Variants in FANCC observed in about 807,000 individuals in gnomAD.
The protein encoded by FANCC is FA complementation group C.
In FANCC, 55 loss-of-function variants were observed where a neutral mutation model predicts 71.3. That is an observed-to-expected ratio of 0.77 (90% CI 0.62 to 0.97). The LOEUF is 0.97. Ranked by LOEUF, FANCC falls within the 50% of genes least tolerant of loss-of-function variation. The probability of loss-of-function intolerance (pLI) is 0.00; values close to 1 mark genes in which losing one functional copy is unlikely to be tolerated. For synonymous variants in FANCC, 275 were observed against 244.9 expected, an observed-to-expected ratio of 1.12 and a Z score of -1.15; for missense variants, 678 against 670.9, an observed-to-expected ratio of 1.01 and a Z score of -0.12.
chr9:95,251,136 C>A (rs984766739), intron 1 of FANCC, among the ~76,000 whole-genome samples: 1 of 152,156 alleles, frequency 6.6e-6, no homozygotes, highest in East Asian at 1.9e-4. Flanking sequence ...CACTTAGTTA[C>A]CGCTTCCTCT....
chr9:95,245,401 T>C (rs1395920728), intron 3 of FANCC, among the ~76,000 whole-genome samples: 1 of 152,034 alleles, frequency 6.6e-6, no homozygotes, highest in African/African-American at 2.4e-5. Flanking sequence ...TCAGGGGATG[T>C]CTGAAACTGA....
At chr9:95,311,793 G>C (rs1307405078) in intron 1 of FANCC, among the ~76,000 whole-genome samples, 2 of 151,768 alleles carry the variant, frequency 1.3e-5, no homozygotes, top group Non-Finnish European at 2.9e-5. Flanking sequence ...CAGAGTAACA[G>C]ATCTCAGATT....
chr9:95,181,846 TGCGA>T (rs1564730004), intron 4 of FANCC, among the ~76,000 whole-genome samples: 1 of 152,236 alleles, frequency 6.6e-6, no homozygotes, highest in African/African-American at 2.4e-5. Flanking sequence ...GCTTAGATCA[TGCGA>T]GTGAACTTTC....
intron 13 of FANCC, chr9:95,110,972 A>G: frequency 1.4e-6 from 2 of 1,408,886 alleles, no homozygotes; most frequent in East Asian, 2.6e-5. Flanking sequence ...TTACTTTAGT[A>G]AGAGATGTAA....
rs374176091 is a variant in FANCC, at chr9:95,149,936, C to T, written c.673G>A (p.Glu225Lys). The T allele has an allele frequency of 2.5e-6, 4 of 1,604,746 alleles. No homozygotes were observed. The highest frequency in any genetic ancestry group is 3.4e-6 in the Non-Finnish European group (4 of 1,175,702). ...TTTGCCACTTACAGCAAAATGGCCT[C>T]GTTTACAGCCTCAAAGAACTCTGGC... ...LQPEFFEAVN[E>K]AILLKKISLP... Residue 225 changes from glutamate (E) to lysine (K), a missense_variant, in exon 7 of 15, where the codon GAG (glutamate) becomes AAG (lysine). Coordinates refer to ENST00000289081, the MANE Select transcript of FANCC (RefSeq NM_000136.3).
At chr9:95,189,071 T>G (rs1225841814) in intron 4 of FANCC, among the ~76,000 whole-genome samples, 1 of 152,198 alleles carries the variant, frequency 6.6e-6, no homozygotes, top group Admixed American at 6.5e-5. Flanking sequence ...CGCCAATTGC[T>G]CTAACTTAAA....
intron 12 of FANCC, chr9:95,114,234 T>G (rs1334903514): frequency 6.2e-6 from 2 of 320,974 alleles, no homozygotes; most frequent in East Asian, 1.5e-4. Context: ...CCTAGAGAGG[T>G]AGAGGGAAGA....
intron 4 of FANCC, among the ~76,000 whole-genome samples, chr9:95,225,050 A>G (rs891462582): frequency 3.9e-5 from 6 of 152,198 alleles, no homozygotes; most frequent in African/African-American, 1.4e-4. Context: ...TCAAACTAAG[A>G]CAAAGTATAA....
intron 1 of FANCC, among the ~76,000 whole-genome samples, chr9:95,313,146 C>T (rs1267662054): frequency 6.6e-6 from 1 of 152,142 alleles, no homozygotes; most frequent in African/African-American, 2.4e-5. Context: ...GCGCTGGAGA[C>T]GTGCACACGC....
At chr9:95,244,629 A>C (rs1029757368) in intron 3 of FANCC, among the ~76,000 whole-genome samples, 4 of 136,850 alleles carry the variant, frequency 2.9e-5, no homozygotes, top group African/African-American at 1.1e-4. Context: ...CAGTGAGCCG[A>C]GATCACGCCA....
intron 7 of FANCC, among the ~76,000 whole-genome samples, chr9:95,143,972 T>A (rs1050029855): frequency 3.3e-5 from 5 of 152,210 alleles, no homozygotes; most frequent in African/African-American, 1.2e-4. Flanking sequence ...AATATATGAC[T>A]GCATTTGGAA....
intron 4 of FANCC, among the ~76,000 whole-genome samples, chr9:95,208,592 G>A (rs1312609987): frequency 6.6e-6 from 1 of 152,024 alleles, no homozygotes; most frequent in Non-Finnish European, 1.5e-5. Context: ...GACTGTAATG[G>A]ACACCTCGTC....
At chr9:95,206,198 A>G (rs1314085913) in intron 4 of FANCC, among the ~76,000 whole-genome samples, 1 of 152,234 alleles carries the variant, frequency 6.6e-6, no homozygotes, top group East Asian at 1.9e-4. Context: ...GGAGAAAGGA[A>G]AAGCAACCTA....
chr9:95,111,267 C>T, intron 13 of FANCC, 196 bp downstream of exon 13: 1 of 1,549,556 alleles, frequency 6.5e-7, no homozygotes, highest in Non-Finnish European at 8.7e-7. Flanking sequence ...TCTCTGGCCA[C>T]CTCGGTGGGG....
chr9:95,294,830 G>A, intron 1 of FANCC: 1 of 1,514,798 alleles, frequency 6.6e-7, no homozygotes, highest in Non-Finnish European at 8.8e-7. Flanking sequence ...TGGAGTCCAT[G>A]TGTGAGACGG....
At chr9:95,228,965 C>T (rs559073505) in intron 4 of FANCC, among the ~76,000 whole-genome samples, 1 of 152,260 alleles carries the variant, frequency 6.6e-6, no homozygotes, top group South Asian at 2.1e-4. Context: ...TTGAATAAGA[C>T]AGGAACCTAC....
intron 4 of FANCC, among the ~76,000 whole-genome samples, chr9:95,222,922 CA>C (rs1829373244): frequency 6.6e-6 from 1 of 152,072 alleles, no homozygotes; most frequent in Non-Finnish European, 1.5e-5. Flanking sequence ...AATGACCATA[CA>C]ATATTTCATC....
intron 6 of FANCC, among the ~76,000 whole-genome samples, chr9:95,151,044 G>A (rs187166697): frequency 8.5e-5 from 13 of 152,324 alleles, no homozygotes; most frequent in African/African-American, 2.9e-4. Context: ...GGCGGCTACA[G>A]TACCGAACAG....
chr9:95,214,015 A>G (rs1828684824), intron 4 of FANCC, among the ~76,000 whole-genome samples: 1 of 152,246 alleles, frequency 6.6e-6, no homozygotes. Flanking sequence ...AACATGACAT[A>G]CAAATAGCTA....
Sources: gnomAD v4.1 joint callset for allele counts (sites outside exome capture counted in the v4.1 genomes callset) on GRCh38, gnomAD v4.1.1 for gene constraint, MANE v1.5 for transcripts, NCBI Gene and HGNC (gene_info 2026-07-23, HGNC 2026-07-21) for gene names.